KPNA4: variants seen among roughly 807,000 people sequenced by gnomAD.
KPNA4 encodes karyopherin subunit alpha 4.
KPNA4 carries 13 observed loss-of-function variants against 71.3 expected under a neutral mutation model. That is an observed-to-expected ratio of 0.18 (90% CI 0.12 to 0.29). KPNA4 has a LOEUF of 0.29. Ranked by LOEUF, KPNA4 falls within the 10% of genes least tolerant of loss-of-function variation. KPNA4 has a pLI of 1.00. For synonymous variants in KPNA4, 189 were observed against 195.2 expected (o/e 0.97, Z 0.26); for missense variants, 334 against 603.2 (o/e 0.55, Z 4.67).
At chr3:160,514,835 G>T in intron 12 of KPNA4, 1 of 424,168 alleles carries the variant, frequency 2.4e-6, no homozygotes, top group Middle Eastern at 4.6e-4. Context: ...GGCCTTACGC[G>T]TTATAATCAT....
chr3:160,495,545 GTCT>G lies in KPNA4; in HGVS notation c.*6556_*6558del, dbSNP rs1720740115. 6.6e-6 allele frequency: 1 copy of G among 151,954 alleles called. No individual in the cohort carries two copies. Among genetic ancestry groups the G allele is most frequent in the Non-Finnish European group, 1.5e-5 (1 of 67,978 alleles). The allele number at this position is 151,954 out of a possible 1,614,324, so 9.4% of individuals were successfully genotyped here. On this transcript the variant is annotated 3_prime_UTR_variant, in exon 17 of 17. Transcript: ENST00000334256. ...AAAGGAAGATTTTAAAAACTAGCTT[GTCT>G]ATATGAGTTCTATAAACATATGTAA...
chr3:160,555,105 C>G (rs1216339279), intron 1 of KPNA4, among the ~76,000 whole-genome samples: 2 of 152,132 alleles, frequency 1.3e-5, no homozygotes, highest in Non-Finnish European at 2.9e-5. Flanking sequence ...TAGACAGTGT[C>G]AGAATTAAAT....
Position 160,565,335 on chromosome 3 carries a change from C to A in KPNA4, c.-53G>T. ...CCGGGCCCCGCGGGATCCGCCCCAA[C>A]CAACGCGCCGCACCGACACTCCCAG... On this transcript the variant is annotated 5_prime_UTR_variant, in exon 1 of 17. Transcript: ENST00000334256. 2 of 1,459,584 alleles carry A rather than the reference C, an allele frequency of 1.4e-6. No individual in the cohort carries two copies. The highest frequency in any genetic ancestry group is 5.0e-5 in the East Asian group (2 of 40,266). 90.4% of individuals were successfully genotyped at this position (1,459,584 alleles called of 1,614,324 possible).
intron 5 of KPNA4, among the ~76,000 whole-genome samples, chr3:160,533,386 A>T (rs1473451889): frequency 6.6e-6 from 1 of 152,030 alleles, no homozygotes; most frequent in African/African-American, 2.4e-5. Flanking sequence ...TTAAAGAGAA[A>T]GAATTATACC....
rs1049208763 is a variant in KPNA4 at position 160,500,091 on chromosome 3, C to T, written c.*2013G>A. ...TGGTTCTAGGTAAAAAGACAGGAAG[C>T]TAATGTAAGCCATTGAATTATACTC... On this transcript the variant is annotated 3_prime_UTR_variant, in exon 17 of 17. Coordinates refer to ENST00000334256, the MANE Select transcript of KPNA4 (RefSeq NM_002268.5). 10 of 151,486 alleles carry T rather than the reference C, an allele frequency of 6.6e-5. No homozygotes were observed. In the East Asian group the frequency reaches 1.8e-3, roughly 27 times the overall value. 9.4% of individuals were successfully genotyped at this position (151,486 alleles called of 1,614,324 possible). A position where few individuals can be genotyped will look rare whatever the true frequency, so the allele number is the denominator to read the frequency against.
At chr3:160,517,365 G>A (rs1721251365) in intron 11 of KPNA4, among the ~76,000 whole-genome samples, 1 of 151,842 alleles carries the variant, frequency 6.6e-6, no homozygotes, top group African/African-American at 2.4e-5. Flanking sequence ...CCATTCATTG[G>A]CTGACATTCA....
chr3:160,545,567 A>G (rs984312321), intron 1 of KPNA4, among the ~76,000 whole-genome samples: 8 of 152,242 alleles, frequency 5.3e-5, no homozygotes, highest in Non-Finnish European at 1.2e-4. Context: ...TGGATAGCTG[A>G]CATGCAATGA....
At chr3:160,540,755 G>GA (rs1216303585) in intron 1 of KPNA4, among the ~76,000 whole-genome samples, 2 of 152,194 alleles carry the variant, frequency 1.3e-5, no homozygotes, top group Non-Finnish European at 2.9e-5. Context: ...CCAGAAAGCT[G>GA]ACAAACTGGC....
chr3:160,518,280 C>A (rs1440378295), intron 11 of KPNA4, among the ~76,000 whole-genome samples: 1 of 151,664 alleles, frequency 6.6e-6, no homozygotes, highest in African/African-American at 2.4e-5. Context: ...GGACTACAGG[C>A]GCCCGCTACC....
intron 11 of KPNA4, among the ~76,000 whole-genome samples, chr3:160,517,680 T>A (rs745490597): frequency 3.9e-5 from 6 of 152,104 alleles, no homozygotes; most frequent in Non-Finnish European, 8.8e-5. Flanking sequence ...AGTATCTCAC[T>A]GTGGCTTTAA....
chr3:160,533,841 C>A (rs1007625729), intron 5 of KPNA4, among the ~76,000 whole-genome samples: 12 of 152,178 alleles, frequency 7.9e-5, no homozygotes, highest in Admixed American at 2.0e-4. Flanking sequence ...ACTTTGAAAA[C>A]CTCTTAGGGT....
chr3:160,553,322 A>T (rs1270038433), intron 1 of KPNA4, among the ~76,000 whole-genome samples: 1 of 152,192 alleles, frequency 6.6e-6, no homozygotes, highest in Non-Finnish European at 1.5e-5. Flanking sequence ...ACTCGGGAAA[A>T]GCCAATCCGT....
chr3:160,515,846 C>T (rs901486075), intron 11 of KPNA4, among the ~76,000 whole-genome samples: 3 of 151,576 alleles, frequency 2.0e-5, no homozygotes, highest in African/African-American at 7.3e-5. Flanking sequence ...AACTCCTAGG[C>T]TCAAGGGATC....
intron 1 of KPNA4, among the ~76,000 whole-genome samples, chr3:160,560,797 A>C (rs1722228348): frequency 6.6e-6 from 1 of 152,084 alleles, no homozygotes. Flanking sequence ...AGAAACAGTC[A>C]TTTAATTCCT....
chr3:160,513,109 AAT>A (rs1176912830), intron 13 of KPNA4, among the ~76,000 whole-genome samples: 1 of 152,170 alleles, frequency 6.6e-6, no homozygotes, highest in African/African-American at 2.4e-5. Context: ...ATCATTAGGA[AAT>A]AGAGTTGTGC....
At chr3:160,537,933 T>G (rs932619255) in intron 1 of KPNA4, among the ~76,000 whole-genome samples, 4 of 151,680 alleles carry the variant, frequency 2.6e-5, no homozygotes, top group African/African-American at 9.7e-5. Flanking sequence ...TCTCCTAACA[T>G]GTAGCCCTCC....
At chr3:160,503,753 T>C (rs188515388) in intron 16 of KPNA4, among the ~76,000 whole-genome samples, 36 of 152,326 alleles carry the variant, frequency 2.4e-4, no homozygotes, top group African/African-American at 8.4e-4. Flanking sequence ...TTTTCAAAAA[T>C]CCAACTTCAA....
chr3:160,559,350 C>A (rs1174933134), intron 1 of KPNA4, among the ~76,000 whole-genome samples: 1 of 152,112 alleles, frequency 6.6e-6, no homozygotes, highest in African/African-American at 2.4e-5. Flanking sequence ...TTCTGTGAAC[C>A]TGACAGATTC....
At chr3:160,546,366 A>G (rs1721907476) in intron 1 of KPNA4, among the ~76,000 whole-genome samples, 1 of 152,058 alleles carries the variant, frequency 6.6e-6, no homozygotes, top group South Asian at 2.1e-4. Flanking sequence ...ATAAACACAA[A>G]AATTAGCTAG....
Sources: allele counts gnomAD v4.1 joint callset (sites outside exome capture counted in the v4.1 genomes callset), GRCh38; gene constraint gnomAD v4.1.1; transcripts MANE v1.5; gene names NCBI Gene and HGNC (gene_info 2026-07-23, HGNC 2026-07-21).